The following ZNF597 variants were observed in gnomAD, a reference collection of about 807,000 sequenced individuals.
ZNF597 encodes the protein zinc finger protein 597.
In ZNF597, 5 loss-of-function variants were observed where a neutral mutation model predicts 7.3. That is an observed-to-expected ratio of 0.68 (90% CI 0.36 to 1.44). The LOEUF (loss-of-function observed/expected upper bound fraction) is 1.44. ZNF597 is among the 40% of genes most tolerant of loss of function. The pLI is 0.04. For synonymous variants in ZNF597, 209 were observed against 185.4 expected (o/e 1.13, Z -1.04); for missense variants, 585 against 517.9 (o/e 1.13, Z -1.26).
At chr16:3,439,073 G>T (rs2034336007) in intron 3 of ZNF597, among the ~76,000 whole-genome samples, 1 of 152,102 alleles carries the variant, frequency 6.6e-6, no homozygotes, top group Admixed American at 6.5e-5. Context: ...TCATCTACAT[G>T]GGGTCCCCTT....
chr16:3,441,079 A>G, intron 2 of ZNF597, 146 bp from the exon 3 acceptor site: 1 of 946,780 alleles, frequency 1.1e-6, no homozygotes, highest in Non-Finnish European at 1.5e-6. Context: ...AGTAGGGCAA[A>G]TGGGTTCTAA....
In ZNF597 at chr16:3,442,981, AG is replaced by A. The variant is rs2034413668; in HGVS notation, c.33+139del. 18 of 989,042 alleles carry A rather than the reference AG, an allele frequency of 1.8e-5. No homozygotes were observed. The South Asian group carries it at 2.4e-4, about 13-fold the overall frequency. 61.3% of individuals were successfully genotyped at this position (989,042 alleles called of 1,614,324 possible). A position where few individuals can be genotyped will look rare whatever the true frequency, so the allele number is the denominator to read the frequency against. ...CATTATGTGTGTGGTCTTGGAACGA[AG>A]AACACTTGGTCAAAGGGCTATTTGG... On this transcript the variant is annotated intron_variant, in intron 2 of 3. Coordinates refer to ENST00000301744, the MANE Select transcript of ZNF597 (RefSeq NM_152457.3).
At chr16:3,437,845 T>C (rs776904565) in intron 3 of ZNF597, among the ~76,000 whole-genome samples, 9 of 152,226 alleles carry the variant, frequency 5.9e-5, no homozygotes, top group Non-Finnish European at 1.3e-4. Context: ...CTAATCTATT[T>C]AGGCCTCAAG....
At chr16:3,441,909 G>C (rs37832) in intron 2 of ZNF597, among the ~76,000 whole-genome samples, 40,484 of 150,132 alleles carry the variant, frequency 0.27, 5,928 homozygotes, top group African/African-American at 0.39. Flanking sequence ...GAATCCAGGA[G>C]GCAGAGATTG....
Position 3,436,269 on chromosome 16 carries a change from G to A in ZNF597, c.*155C>T, listed in dbSNP as rs2034298782. 3 of 742,158 alleles carry A rather than the reference G, an allele frequency of 4.0e-6. No homozygotes were observed. 46.0% of individuals were successfully genotyped at this position (742,158 alleles called of 1,614,324 possible). ...GCATCCCTACTTATAAAATGGAAAT[G>A]ATACTGCCTAAATCACGGTTGTGCT... On this transcript the variant is annotated 3_prime_UTR_variant, in exon 4 of 4. Coordinates refer to ENST00000301744, the MANE Select transcript of ZNF597 (RefSeq NM_152457.3).
In ZNF597 at chr16:3,436,669, G is replaced by C. The variant is rs1367045716; in HGVS notation, c.1030C>G (p.Pro344Ala). Residue 344 changes from proline to alanine, a missense_variant, in exon 4 of 4, where the codon CCT (proline) becomes GCT (alanine). By Grantham distance (27) the Pro-to-Ala change is conservative. Coordinates refer to ENST00000301744, the MANE Select transcript of ZNF597 (RefSeq NM_152457.3). ...CAAGGAAAGGTCATGTCACAGTCAG[G>C]ACACTGTAAGGGCTTGAATTTTGAG... Reference protein sequence around the residue: ...SFSKFKPLQCPDCDMTFPCFS... With the variant: ...SFSKFKPLQCADCDMTFPCFS... 1 of 1,613,074 alleles carries C rather than the reference G, an allele frequency of 6.2e-7. No homozygotes were observed. Among genetic ancestry groups the C allele is most frequent in the Non-Finnish European group, 8.5e-7 (1 of 1,179,494 alleles).
At chr16:3,443,337 G>A (rs1159469487) in intron 1 of ZNF597, 23 bp downstream of exon 1, 3 of 601,362 alleles carry the variant, frequency 5.0e-6, no homozygotes, top group Non-Finnish European at 8.4e-6. Context: ...CTCTTGGCCC[G>A]GCCTCGAAAG....
Position 3,434,736 on chromosome 16 carries a change from TCTG to T in ZNF597, c.*1685_*1687del, listed in dbSNP as rs1421664263. 6.6e-6 allele frequency: 1 copy of T among 152,208 alleles called. No homozygotes were observed. Among genetic ancestry groups the T allele is most frequent in the East Asian group, 1.9e-4 (1 of 5,196 alleles). 9.4% of individuals were successfully genotyped at this position (152,208 alleles called of 1,614,324 possible). Reference sequence around the variant, plus strand: ...AATCTGCTGTTCTGTAGGACCACCTTCTGCTACCTTCCATATAATTAGTCCTCA... The same window carrying T: ...AATCTGCTGTTCTGTAGGACCACCTTCTACCTTCCATATAATTAGTCCTCA... On this transcript the variant is annotated 3_prime_UTR_variant, in exon 4 of 4. Coordinates refer to ENST00000301744, the MANE Select transcript of ZNF597 (RefSeq NM_152457.3).
intron 2 of ZNF597, 45 bp from the exon 3 acceptor site, chr16:3,440,978 G>A (rs1372215616): frequency 6.3e-7 from 1 of 1,595,546 alleles, no homozygotes; most frequent in Non-Finnish European, 8.5e-7. Context: ...TGGAGGGTCA[G>A]CCCCTCACTT....
chr16:3,436,619 C>T lies in ZNF597; in HGVS notation c.1080G>A (p.Gln360=), dbSNP rs763193831. Residue 360 remains glutamine, a synonymous_variant, in exon 4 of 4, where the codon CAG becomes CAA. Coordinates refer to ENST00000301744, the MANE Select transcript of ZNF597 (RefSeq NM_152457.3). ...GGGGCCTTTCCTCTGTATGAATGTT[C>T]TGATGGGAAATAAGCTCAGAGAAAC... is the stretch of plus-strand genomic sequence containing the variant. ...FPCFSELISH[Q]NIHTEERPHK... The T allele has an allele frequency of 3.1e-6, 5 of 1,605,564 alleles. No individual in the cohort carries two copies. Among genetic ancestry groups the T allele is most frequent in the Non-Finnish European group, 4.3e-6 (5 of 1,175,368 alleles).
intron 1 of ZNF597, 56 bp from the exon 2 acceptor site, chr16:3,443,262 A>G (rs1392565412): frequency 1.7e-6 from 2 of 1,151,048 alleles, no homozygotes; most frequent in South Asian, 1.5e-5. Flanking sequence ...AAGTTCCTCC[A>G]CTACCCCTAG....
chr16:3,439,386 A>G (rs1485130393), intron 3 of ZNF597, among the ~76,000 whole-genome samples: 1 of 152,124 alleles, frequency 6.6e-6, no homozygotes, highest in Non-Finnish European at 1.5e-5. Flanking sequence ...CTGTATCAAA[A>G]AAAAAATAAC....
rs1321628459 is a variant in ZNF597, at chr16:3,432,621, C to G, written c.*3803G>C. Reference sequence around the variant, plus strand: ...AACTGGAGATTACAGCACATTCTTACGTTTACACAGAAGAATATTTATATT... The same window carrying G: ...AACTGGAGATTACAGCACATTCTTAGGTTTACACAGAAGAATATTTATATT... On this transcript the variant is annotated 3_prime_UTR_variant, in exon 4 of 4. Transcript: ENST00000301744. 1 of 152,112 alleles carries G rather than the reference C, an allele frequency of 6.6e-6. No individual in the cohort carries two copies. Among genetic ancestry groups the G allele is most frequent in the Non-Finnish European group, 1.5e-5 (1 of 68,024 alleles). The allele number at this position is 152,112 out of a possible 1,614,324, so 9.4% of individuals were successfully genotyped here.
In ZNF597 at chr16:3,434,751, A is replaced by G. The variant is rs1567350798; in HGVS notation, c.*1673T>C. 6.6e-6 allele frequency: 1 copy of G among 152,176 alleles called. No homozygotes were observed. The highest frequency in any genetic ancestry group is 2.1e-4 in the South Asian group (1 of 4,828). 9.4% of individuals were successfully genotyped at this position (152,176 alleles called of 1,614,324 possible). On this transcript the variant is annotated 3_prime_UTR_variant, in exon 4 of 4. Transcript: ENST00000301744. Reference sequence around the variant, plus strand: ...AGGACCACCTTCTGCTACCTTCCATATAATTAGTCCTCAAGAGTCCTTTAT... The same window carrying G: ...AGGACCACCTTCTGCTACCTTCCATGTAATTAGTCCTCAAGAGTCCTTTAT...
In ZNF597 at chr16:3,437,162, T is replaced by C; in HGVS notation, c.537A>G (p.Ser179=). 1 of 1,614,206 alleles carries C rather than the reference T, an allele frequency of 6.2e-7. No individual in the cohort carries two copies. Among genetic ancestry groups the C allele is most frequent in the South Asian group, 1.1e-5 (1 of 91,080 alleles). Reference sequence around the variant, plus strand: ...CACCACATTTATGTTTTTTCTCTCCTGAATGAATTTTCTGATGCAAAACTA... The same window carrying C: ...CACCACATTTATGTTTTTTCTCTCCCGAATGAATTTTCTGATGCAAAACTA... The part of the protein sequence containing the change: ...SYLVLHQKIH[S]GEKKHKCGDC... The change falls in exon 4 of 4, where the codon TCA becomes TCG. Residue 179 remains serine (S), a synonymous_variant. Coordinates refer to ENST00000301744, the MANE Select transcript of ZNF597 (RefSeq NM_152457.3).
chr16:3,442,979 G>A (rs182541323), intron 2 of ZNF597, 142 bp downstream of exon 2: 287 of 969,238 alleles, frequency 3.0e-4, no homozygotes, highest in Non-Finnish European at 1.8e-4. Flanking sequence ...GTCTTGGAAC[G>A]AAGAACACTT....
chr16:3,443,228 C>T lies in ZNF597; in HGVS notation c.-53-22G>A, dbSNP rs551529898. On this transcript the variant is annotated intron_variant, in intron 1 of 3. Coordinates refer to ENST00000301744, the MANE Select transcript of ZNF597 (RefSeq NM_152457.3). ...AAAGCTGCGGGGGGAGAGAACAGTT[C>T]TTAAAGGGACCAATTCCGCTGCCAA... 129 of 1,477,568 alleles carry T rather than the reference C, an allele frequency of 8.7e-5. No homozygotes were observed. In the African/African-American group the frequency reaches 1.3e-3, roughly 15 times the overall value. The allele number at this position is 1,477,568 out of a possible 1,614,324, so 91.5% of individuals were successfully genotyped here.
intron 3 of ZNF597, among the ~76,000 whole-genome samples, chr16:3,438,337 A>C (rs1227706380): frequency 6.6e-6 from 1 of 151,946 alleles, no homozygotes; most frequent in Non-Finnish European, 1.5e-5. Flanking sequence ...AGGCGGGTGG[A>C]TCACGAGATC....
rs1284046339 is a variant in ZNF597 at position 3,433,221 on chromosome 16, C to A, written c.*3203G>T. On this transcript the variant is annotated 3_prime_UTR_variant, in exon 4 of 4. Transcript: ENST00000301744. ...CTAAATAAAACTATTCTGAGTCGAC[C>A]TCATTCAAAACAACTACATTCCACA... The A allele has an allele frequency of 6.6e-6, 1 of 152,210 alleles. No homozygotes were observed. Among genetic ancestry groups the A allele is most frequent in the Non-Finnish European group, 1.5e-5 (1 of 68,032 alleles). 9.4% of individuals were successfully genotyped at this position (152,210 alleles called of 1,614,324 possible).
Sources: allele counts gnomAD v4.1 joint callset (sites outside exome capture counted in the v4.1 genomes callset), GRCh38; gene constraint gnomAD v4.1.1; transcripts MANE v1.5; gene names NCBI Gene and HGNC (gene_info 2026-07-23, HGNC 2026-07-21).